Variants in DOCK2 observed in about 807,000 individuals in gnomAD.
DOCK2 encodes dedicator of cytokinesis protein 2.
DOCK2 carries 87 observed loss-of-function variants against 248.9 expected under a neutral mutation model. The ratio of observed to expected loss-of-function variants is 0.35; its 90% CI spans 0.29 to 0.42. The LOEUF (loss-of-function observed/expected upper bound fraction) is 0.42. Ranked by LOEUF, DOCK2 falls within the 10% of genes least tolerant of loss-of-function variation. DOCK2 has a pLI of 1.00. For synonymous variants in DOCK2, 805 were observed against 821.6 expected (o/e 0.98, Z 0.35); for missense variants, 1,747 against 2,300.2 (o/e 0.76, Z 4.92).
intron 27 of DOCK2, among the ~76,000 whole-genome samples, chr5:169,934,401 C>T (rs182621360): frequency 1.1e-3 from 170 of 152,286 alleles, no homozygotes; most frequent in African/African-American, 4.0e-3. Flanking sequence ...TTTACCTATC[C>T]GCATGCCCGT....
In DOCK2 at chr5:169,925,578, T is replaced by TAAAAAAAAAA. The variant is rs1561828965; in HGVS notation, c.2800-57490_2800-57489insAAAAAAAAAA. On this transcript the variant is annotated intron_variant, in intron 27 of 51. Transcript: ENST00000520908. ...CTGGGCGACAGAGCAAGACTCTGTC[T>TAAAAAAAAAA]TAAAAAAAAAAAAAAAAAAAAAAAA... 1.5e-4 allele frequency among the ~76,000 whole-genome samples: 5 copies of TAAAAAAAAAA among 32,324 alleles called. 1 individual carries two copies. Among genetic ancestry groups the TAAAAAAAAAA allele is most frequent in the African/African-American group, 6.4e-4 (5 of 7,838 alleles). The allele number at this position is 32,324 out of a possible 152,430, so 21.2% of individuals were successfully genotyped here.
rs953355394 is a variant in DOCK2, at chr5:169,765,068, GCGCACACA to G, written c.2554+3445_2554+3452del. Among the ~76,000 whole-genome samples the G allele has an allele frequency of 3.3e-4, 26 of 79,756 alleles. No homozygotes were observed. The East Asian group carries it at 6.7e-3, about 21-fold the overall frequency. The allele number at this position is 79,756 out of a possible 152,430, so 52.3% of individuals were successfully genotyped here. ...TGATTTACCCCTCAGGGCTCTTTTA[GCGCACACA>G]CACACACACACACACACACACACAC... is the stretch of plus-strand genomic sequence containing the variant. On this transcript the variant is annotated intron_variant, in intron 25 of 51. Coordinates refer to ENST00000520908, the MANE Select transcript of DOCK2 (RefSeq NM_004946.3).
chr5:170,078,304 C>T (rs1292736535), intron 48 of DOCK2, among the ~76,000 whole-genome samples: 1 of 152,222 alleles, frequency 6.6e-6, no homozygotes, highest in Non-Finnish European at 1.5e-5. Context: ...TTCCACCTTC[C>T]TGGAGCCCTC....
intron 26 of DOCK2, among the ~76,000 whole-genome samples, chr5:169,804,394 A>G (rs1767180630): frequency 6.6e-6 from 1 of 150,592 alleles, no homozygotes; most frequent in South Asian, 2.1e-4. Context: ...CCAATATATA[A>G]CGACTAAAAT....
intron 1 of DOCK2, among the ~76,000 whole-genome samples, chr5:169,648,353 G>A (rs1249562240): frequency 6.6e-6 from 1 of 152,148 alleles, no homozygotes; most frequent in Non-Finnish European, 1.5e-5. Context: ...TTCTAGTGGG[G>A]CAAATTCGCT....
At chr5:169,849,820 G>A (rs1311497957) in intron 27 of DOCK2, among the ~76,000 whole-genome samples, 1 of 152,154 alleles carries the variant, frequency 6.6e-6, no homozygotes, top group Non-Finnish European at 1.5e-5. Flanking sequence ...GGTCCCTAAA[G>A]ACCTTTCAAC....
chr5:169,771,883 C>G (rs1765108050), intron 25 of DOCK2, among the ~76,000 whole-genome samples: 1 of 152,078 alleles, frequency 6.6e-6, no homozygotes, highest in Non-Finnish European at 1.5e-5. Context: ...ATACATAAAT[C>G]CTTTATCTAC....
intron 26 of DOCK2, among the ~76,000 whole-genome samples, chr5:169,827,704 G>C (rs147869694): frequency 6.6e-6 from 1 of 152,126 alleles, no homozygotes; most frequent in African/African-American, 2.4e-5. Flanking sequence ...GTTCTCCCTC[G>C]CCCAAATTTA....
intron 27 of DOCK2, among the ~76,000 whole-genome samples, chr5:169,878,057 C>T (rs748441542): frequency 3.3e-5 from 5 of 152,168 alleles, no homozygotes; most frequent in Non-Finnish European, 7.3e-5. Flanking sequence ...AAAAGAAATG[C>T]GTGATCTCTG....
rs966366406 is a variant in DOCK2, at chr5:169,995,773, TG to T, written c.2994-305del. Among the ~76,000 whole-genome samples, 241 of 151,886 alleles carry T rather than the reference TG, an allele frequency of 1.6e-3. 3 individuals carry two copies. Among genetic ancestry groups the T allele is most frequent in the Non-Finnish European group, 2.3e-3 (158 of 67,926 alleles). ...GGTTGTTTATTTGTTTGTTTGGGGA[TG>T]GGGGGGGTGATTTCTCTTTAGATCT... is the stretch of plus-strand genomic sequence containing the variant. On this transcript the variant is annotated intron_variant, in intron 29 of 51. Transcript: ENST00000520908.
intron 1 of DOCK2, among the ~76,000 whole-genome samples, chr5:169,645,891 A>G (rs1005566260): frequency 6.6e-5 from 10 of 151,960 alleles, no homozygotes; most frequent in African/African-American, 2.4e-5. Flanking sequence ...GGGACTACAC[A>G]GGAGCCCACC....
intron 2 of DOCK2, among the ~76,000 whole-genome samples, chr5:169,665,614 T>C (rs1433723064): frequency 2.0e-5 from 3 of 152,174 alleles, no homozygotes; most frequent in Non-Finnish European, 2.9e-5. Context: ...CTGAAATCAG[T>C]ATGTTTTTTT....
intron 17 of DOCK2, 40 bp downstream of exon 17, chr5:169,712,263 C>A: frequency 6.3e-7 from 1 of 1,596,386 alleles, no homozygotes. Flanking sequence ...GAGGGGAGTG[C>A]AGGAAGAAAG....
intron 2 of DOCK2, among the ~76,000 whole-genome samples, chr5:169,657,865 C>G (rs1484895058): frequency 6.6e-6 from 1 of 152,046 alleles, no homozygotes; most frequent in African/African-American, 2.4e-5. Flanking sequence ...GCCAGATGCC[C>G]CTGACATCAT....
intron 29 of DOCK2, 124 bp from the exon 30 acceptor site, chr5:169,995,961 TA>T: frequency 1.1e-6 from 1 of 928,146 alleles, no homozygotes; most frequent in Non-Finnish European, 1.6e-6. Flanking sequence ...CTGACCTCTC[TA>T]AATCAGTAAT....
chr5:169,656,436 G>A (rs534845538), intron 2 of DOCK2, among the ~76,000 whole-genome samples: 3 of 151,952 alleles, frequency 2.0e-5, no homozygotes, highest in African/African-American at 7.2e-5. Flanking sequence ...TGATTCTTGC[G>A]CCTCAGCCTC....
intron 27 of DOCK2, among the ~76,000 whole-genome samples, chr5:169,873,412 G>A (rs1169440463): frequency 1.3e-5 from 2 of 152,188 alleles, no homozygotes; most frequent in African/African-American, 2.4e-5. Flanking sequence ...TTGCTATGAC[G>A]TTCACGGCCC....
intron 27 of DOCK2, among the ~76,000 whole-genome samples, chr5:169,879,408 A>G (rs759457280): frequency 2.6e-5 from 4 of 152,186 alleles, no homozygotes; most frequent in African/African-American, 7.2e-5. Flanking sequence ...TGTTACTACG[A>G]TGGGGCTGTT....
At chr5:169,793,280 T>C (rs1447044145) in intron 25 of DOCK2, among the ~76,000 whole-genome samples, 1 of 152,192 alleles carries the variant, frequency 6.6e-6, no homozygotes, top group Non-Finnish European at 1.5e-5. Flanking sequence ...AAATAACCCA[T>C]GTTCATCGAC....
Sources: gnomAD v4.1 joint callset for allele counts (sites outside exome capture counted in the v4.1 genomes callset) on GRCh38, gnomAD v4.1.1 for gene constraint, MANE v1.5 for transcripts, NCBI Gene and HGNC (gene_info 2026-07-23, HGNC 2026-07-21) for gene names.